HNRNPC: variants seen among roughly 807,000 people sequenced by gnomAD.
HNRNPC encodes the protein heterogeneous nuclear ribonucleoprotein C.
Under a neutral mutation model 33.2 loss-of-function variants are expected in HNRNPC, and 3 were observed. The ratio of observed to expected loss-of-function variants is 0.09; its 90% CI spans 0.04 to 0.23. The LOEUF is 0.23. Ranked by LOEUF, HNRNPC falls within the 10% of genes least tolerant of loss-of-function variation. The pLI is 1.00. For missense variants in HNRNPC, 143 were observed against 366.7 expected, an observed-to-expected ratio of 0.39 and a Z score of 4.98; for synonymous variants, 121 against 126.7, an observed-to-expected ratio of 0.96 and a Z score of 0.30.
In HNRNPC at chr14:21,211,452, C is replaced by T. The variant is rs757847094; in HGVS notation, c.752G>A (p.Gly251Glu). ...ATTATCATCATCATCCAGTAGGTCC[C>T]CCTCCTCAGCAGAGTCATCTGCACC... ...EGGADDSAEE[G>E]DLLDDDDNED... Residue 251 changes from glycine to glutamate, a missense_variant, in exon 8 of 9, where the codon GGG (glycine) becomes GAG (glutamate). Gly to Glu is a moderately conservative substitution (Grantham distance 98). Transcript: ENST00000553300. The T allele has an allele frequency of 6.2e-7, 1 of 1,606,380 alleles. No homozygotes were observed. The highest frequency in any genetic ancestry group is 8.5e-7 in the Non-Finnish European group (1 of 1,176,224).
intron 5 of HNRNPC, among the ~76,000 whole-genome samples, chr14:21,215,381 C>G (rs759970666): frequency 6.6e-6 from 1 of 152,094 alleles, no homozygotes; most frequent in East Asian, 1.9e-4. Flanking sequence ...AAAAATTAAG[C>G]GGAAATTCTC....
chr14:21,267,965 G>A (rs186698785), intron 1 of HNRNPC, among the ~76,000 whole-genome samples: 38 of 152,180 alleles, frequency 2.5e-4, no homozygotes, highest in Admixed American at 1.8e-3. Flanking sequence ...AAGGGGTCGC[G>A]ATGTTTTTGA....
chr14:21,234,509 T>C (rs1044257763), intron 2 of HNRNPC, among the ~76,000 whole-genome samples: 1 of 152,194 alleles, frequency 6.6e-6, no homozygotes, highest in Non-Finnish European at 1.5e-5. Context: ...TCATTGGCAA[T>C]ATAATTTCCT....
intron 5 of HNRNPC, among the ~76,000 whole-genome samples, chr14:21,217,509 T>A (rs1174064205): frequency 1.3e-5 from 2 of 152,106 alleles, no homozygotes; most frequent in Non-Finnish European, 2.9e-5. Context: ...TTCTGGTAAT[T>A]AAGGGGGAAA....
At chr14:21,230,636 T>G (rs1894007561) in intron 4 of HNRNPC, 1 of 509,188 alleles carries the variant, frequency 2.0e-6, no homozygotes, top group African/African-American at 1.9e-5. Flanking sequence ...AACAGAATGG[T>G]AAACTAAGCA....
At chr14:21,225,572 CG>C (rs1348985178) in intron 5 of HNRNPC, among the ~76,000 whole-genome samples, 6 of 152,060 alleles carry the variant, frequency 3.9e-5, no homozygotes, top group South Asian at 2.1e-4. Flanking sequence ...CATCCTCAGG[CG>C]TAAGAGTTAC....
At position 21,237,673 on chromosome 14, in the gene HNRNPC, C is replaced by T. The variant is rs567485337; in HGVS notation, c.-36-3444G>A. On this transcript the variant is annotated intron_variant, in intron 2 of 8. Transcript: ENST00000553300. ...TGTTACGCAGACTGTTGTTAGAAAT[C>T]CTAAGAACAGTCCCTCAGTTCTTTC... Among the ~76,000 whole-genome samples, 59 of 152,332 alleles carry T rather than the reference C, an allele frequency of 3.9e-4. No homozygotes were observed. In the Middle Eastern group the frequency reaches 0.014, roughly 35 times the overall value.
At chr14:21,243,328 G>T (rs1474904654) in intron 2 of HNRNPC, among the ~76,000 whole-genome samples, 1 of 152,162 alleles carries the variant, frequency 6.6e-6, no homozygotes, top group African/African-American at 2.4e-5. Context: ...GAAGTATCAT[G>T]TCAACAAACT....
chr14:21,253,869 T>A (rs1350926818), intron 2 of HNRNPC, among the ~76,000 whole-genome samples: 1 of 151,632 alleles, frequency 6.6e-6, no homozygotes, highest in Non-Finnish European at 1.5e-5. Flanking sequence ...ATCGACACCA[T>A]CCTGGCTAAC....
chr14:21,234,303 T>G (rs770186917), intron 2 of HNRNPC, 74 bp from the exon 3 acceptor site: 16 of 1,305,498 alleles, frequency 1.2e-5, no homozygotes, highest in Non-Finnish European at 1.6e-5. Context: ...TTCTCCACTC[T>G]CACTCTGAAT....
chr14:21,211,613 G>T (rs781496518), intron 7 of HNRNPC, 47 bp from the exon 8 acceptor site: 1 of 1,567,128 alleles, frequency 6.4e-7, no homozygotes, highest in Admixed American at 1.9e-5. Context: ...AATGTCCACA[G>T]GACGTAGACA....
chr14:21,269,148 GC>G, intron 1 of HNRNPC, 149 bp downstream of exon 1: 1 of 152,200 alleles, frequency 6.6e-6, no homozygotes, highest in Non-Finnish European at 1.5e-5. Context: ...CTATAAAACT[GC>G]CCCCGGCTTC....
chr14:21,267,095 CAAAAAAAAAAAA>C (rs56203257), intron 1 of HNRNPC, among the ~76,000 whole-genome samples: 9 of 104,112 alleles, frequency 8.6e-5, no homozygotes, highest in Non-Finnish European at 1.2e-4. Context: ...GACTCCGTCT[CAAAAAAAAAAAA>C]AAAAAAAAAA....
intron 5 of HNRNPC, among the ~76,000 whole-genome samples, chr14:21,214,854 T>G (rs563042335): frequency 6.6e-6 from 1 of 152,294 alleles, no homozygotes; most frequent in South Asian, 2.1e-4. Flanking sequence ...CGACAATTTC[T>G]GGAGGTGAAT....
intron 1 of HNRNPC, among the ~76,000 whole-genome samples, chr14:21,266,848 T>C (rs571920172): frequency 6.7e-5 from 10 of 149,584 alleles, no homozygotes; most frequent in African/African-American, 2.5e-4. Flanking sequence ...ACCAGCACCT[T>C]GGGAGGCCAA....
Position 21,240,075 on chromosome 14 carries a change from C to T in HNRNPC, c.-36-5846G>A, listed in dbSNP as rs1270959122. Among the ~76,000 whole-genome samples, 6 of 152,178 alleles carry T rather than the reference C, an allele frequency of 3.9e-5. No individual in the cohort carries two copies. In the South Asian group the frequency reaches 6.2e-4, roughly 16 times the overall value. The stretch of plus-strand genomic sequence containing the variant: ...CAGGAATACTAAGTTATTTCTAATG[C>T]CCAAAAATCTGTGTTTTTGTCTGAT... On this transcript the variant is annotated intron_variant, in intron 2 of 8. Coordinates refer to ENST00000553300, the MANE Select transcript of HNRNPC (RefSeq NM_004500.4).
At chr14:21,222,015 T>A (rs1892874581) in intron 5 of HNRNPC, among the ~76,000 whole-genome samples, 1 of 119,788 alleles carries the variant, frequency 8.3e-6, no homozygotes, top group African/African-American at 3.3e-5. Flanking sequence ...CACTCCAGAT[T>A]GAGTGACAGA....
chr14:21,237,974 T>C (rs1894906375), intron 2 of HNRNPC, among the ~76,000 whole-genome samples: 1 of 152,218 alleles, frequency 6.6e-6, no homozygotes, highest in African/African-American at 2.4e-5. Flanking sequence ...TTTCTCCATG[T>C]TGGTCAGGGT....
chr14:21,250,067 A>T (rs1896462942), intron 2 of HNRNPC, among the ~76,000 whole-genome samples: 1 of 152,112 alleles, frequency 6.6e-6, no homozygotes, highest in Non-Finnish European at 1.5e-5. Flanking sequence ...GGTTAGTATG[A>T]CTACCTGTAT....
Sources: gnomAD v4.1 joint callset for allele counts (sites outside exome capture counted in the v4.1 genomes callset) on GRCh38, gnomAD v4.1.1 for gene constraint, MANE v1.5 for transcripts, NCBI Gene and HGNC (gene_info 2026-07-23, HGNC 2026-07-21) for gene names.